FBLN2: variants seen among roughly 807,000 people sequenced by gnomAD.
The protein encoded by FBLN2 is fibulin 2, also known as fibulin-2.
A neutral mutation model predicts 123.7 loss-of-function variants in FBLN2; 81 were observed. The ratio of observed to expected loss-of-function variants is 0.65; its 90% CI spans 0.55 to 0.79. The LOEUF (loss-of-function observed/expected upper bound fraction) is 0.79. Ranked by LOEUF, FBLN2 falls within the 30% of genes least tolerant of loss-of-function variation. FBLN2 has a pLI of 0.00. For synonymous variants in FBLN2, 699 were observed against 701.4 expected (o/e 1.00, Z 0.05); for missense variants, 1,603 against 1,681.3 (o/e 0.95, Z 0.81).
chr3:13,573,429 CCACT>C (rs1424799346), intron 2 of FBLN2, among the ~76,000 whole-genome samples: 2 of 152,150 alleles, frequency 1.3e-5, no homozygotes, highest in African/African-American at 4.8e-5. Flanking sequence ...GTGAGGCTCA[CCACT>C]TCACTCCTCA....
intron 1 of FBLN2, among the ~76,000 whole-genome samples, chr3:13,566,969 G>A (rs1017989601): frequency 1.3e-5 from 2 of 152,272 alleles, no homozygotes; most frequent in Non-Finnish European, 2.9e-5. Context: ...GGCCAGGGCC[G>A]TGCCTGGGGT....
chr3:13,629,839 C>A lies in FBLN2; in HGVS notation c.2862C>A (p.Ala954=), dbSNP rs1358200694. Reference sequence around the variant, plus strand: ...CCACAGACGTGAATGAGTGCTGGGCCTCGCCAGGCCGCCTGTGCCAGCACA... The same window carrying A: ...CCACAGACGTGAATGAGTGCTGGGCATCGCCAGGCCGCCTGTGCCAGCACA... ...RGCIDVNECW[A]SPGRLCQHTC... Residue 954 remains alanine (A), a synonymous_variant, in exon 14 of 18, where the codon GCC becomes GCA. Transcript: ENST00000404922. 6.3e-7 allele frequency: 1 copy of A among 1,579,004 alleles called. No homozygotes were observed. The highest frequency in any genetic ancestry group is 1.2e-5 in the South Asian group (1 of 85,926).
At chr3:13,551,844 CT>C (rs34105173) in intron 1 of FBLN2, among the ~76,000 whole-genome samples, 129 of 133,006 alleles carry the variant, frequency 9.7e-4, no homozygotes, top group Middle Eastern at 3.8e-3. Context: ...CCGGCCCCTC[CT>C]TTTTTTTTTT....
chr3:13,609,688 G>GGGGGGT, intron 4 of FBLN2, 46 bp downstream of exon 4: 1 of 512,604 alleles, frequency 2.0e-6, no homozygotes, highest in Non-Finnish European at 3.6e-6. Flanking sequence ...GTGGGGCGGG[G>GGGGGGT]CGGGAGGCTG....
chr3:13,620,360 T>C (rs1164123576), intron 8 of FBLN2, among the ~76,000 whole-genome samples: 1 of 152,082 alleles, frequency 6.6e-6, no homozygotes, highest in Non-Finnish European at 1.5e-5. Context: ...GGGGAAGCAA[T>C]GCCGGTTGTT....
chr3:13,574,049 G>A (rs1704053365), intron 2 of FBLN2, among the ~76,000 whole-genome samples: 1 of 152,178 alleles, frequency 6.6e-6, no homozygotes, highest in African/African-American at 2.4e-5. Context: ...TAAACTAAGA[G>A]GGCTGTTGTG....
intron 1 of FBLN2, among the ~76,000 whole-genome samples, chr3:13,549,846 C>T (rs952917300): frequency 1.3e-5 from 2 of 152,156 alleles, no homozygotes; most frequent in East Asian, 1.9e-4. Context: ...ACTCATCTCA[C>T]GTCCCCTTAG....
Position 13,570,709 on chromosome 3 carries a change from G to A in FBLN2, c.354G>A (p.Pro118=), listed in dbSNP as rs759176813. Residue 118 remains proline (P), a synonymous_variant, in exon 2 of 18, where the codon CCG becomes CCA. Transcript: ENST00000404922. ...AGTTCATGCTGTGCCCGGAGCTGCC[G>A]CCCAACTGCATCGAGGCTGTAGTGG... The part of the protein sequence containing the change: ...SCQFMLCPEL[P]PNCIEAVVVA... The A allele has an allele frequency of 2.9e-5, 47 of 1,595,570 alleles. No individual in the cohort carries two copies. Among genetic ancestry groups the A allele is most frequent in the African/African-American group, 8.0e-5 (6 of 74,604 alleles).
chr3:13,563,504 C>G (rs1703665005), intron 1 of FBLN2, among the ~76,000 whole-genome samples: 1 of 152,238 alleles, frequency 6.6e-6, no homozygotes, highest in Non-Finnish European at 1.5e-5. Context: ...TCACTGGACT[C>G]CAGCTGAGAT....
intron 2 of FBLN2, among the ~76,000 whole-genome samples, chr3:13,595,926 A>T (rs746111): frequency 1.6e-4 from 24 of 152,300 alleles, no homozygotes; most frequent in African/African-American, 4.6e-4. Context: ...CTTCCCCAAG[A>T]TAGCCACAGT....
chr3:13,617,171 C>CATCCATCCATCCATCCATCT (rs1553621519), intron 5 of FBLN2, among the ~76,000 whole-genome samples: 29 of 151,538 alleles, frequency 1.9e-4, no homozygotes, highest in African/African-American at 6.6e-4. Flanking sequence ...TCCATCCATC[C>CATCCATCCATCCATCCATCT]ATCCATCTAT....
intron 2 of FBLN2, among the ~76,000 whole-genome samples, chr3:13,607,594 A>G (rs967137037): frequency 1.3e-5 from 2 of 152,106 alleles, no homozygotes; most frequent in Non-Finnish European, 2.9e-5. Flanking sequence ...CTGTTTTCGT[A>G]TCTCTTGCCC....
chr3:13,601,822 G>A (rs1705042825), intron 2 of FBLN2, among the ~76,000 whole-genome samples: 1 of 152,196 alleles, frequency 6.6e-6, no homozygotes, highest in Non-Finnish European at 1.5e-5. Context: ...GTTTCTTTGA[G>A]ACAAGGTCTT....
At chr3:13,626,409 A>G in intron 9 of FBLN2, 36 bp from the exon 10 acceptor site, 6 of 1,535,932 alleles carry the variant, frequency 3.9e-6, no homozygotes, top group Non-Finnish European at 5.3e-6. Flanking sequence ...TGTCCTGGGG[A>G]CTCTGCAGCC....
At chr3:13,577,638 C>T (rs1434753424) in intron 2 of FBLN2, among the ~76,000 whole-genome samples, 1 of 152,220 alleles carries the variant, frequency 6.6e-6, no homozygotes, top group Non-Finnish European at 1.5e-5. Flanking sequence ...CAAAAGGGAA[C>T]ACATCCTCTC....
At chr3:13,570,290 C>T in intron 1 of FBLN2, 25 bp from the exon 2 acceptor site, 1 of 1,457,138 alleles carries the variant, frequency 6.9e-7, no homozygotes, top group Non-Finnish European at 9.1e-7. Flanking sequence ...CCAGTACTGA[C>T]AGGCTTCCTT....
intron 11 of FBLN2, 83 bp from the exon 12 acceptor site, chr3:13,628,822 C>G (rs763479536): frequency 2.0e-6 from 3 of 1,519,582 alleles, no homozygotes. Context: ...AGGACCGACC[C>G]CCTCCCAGTG....
chr3:13,560,608 A>C (rs1465848477), intron 1 of FBLN2, among the ~76,000 whole-genome samples: 1 of 152,272 alleles, frequency 6.6e-6, no homozygotes, highest in South Asian at 2.1e-4. Flanking sequence ...ACATCGTGCT[A>C]TTATTAAGAC....
rs181663863 is a variant in FBLN2, at chr3:13,619,940, A to G, written c.2155+109A>G. 21 of 798,198 alleles carry G rather than the reference A, an allele frequency of 2.6e-5. No homozygotes were observed. In the Admixed American group the frequency reaches 4.8e-4, roughly 18 times the overall value. The allele number at this position is 798,198 out of a possible 1,614,324, so 49.4% of individuals were successfully genotyped here. A position where few individuals can be genotyped will look rare whatever the true frequency, so the allele number is the denominator to read the frequency against. ...TAAAACTTGCTGAGTTTGTGCAGGAAGAGTCTTGGCTGCTATGATGAGCAC... is the reference window on the plus strand; with the variant it reads ...TAAAACTTGCTGAGTTTGTGCAGGAGGAGTCTTGGCTGCTATGATGAGCAC... On this transcript the variant is annotated intron_variant, in intron 8 of 17. Coordinates refer to ENST00000404922, the MANE Select transcript of FBLN2 (RefSeq NM_001004019.2).
Sources: gnomAD v4.1 joint callset for allele counts (sites outside exome capture counted in the v4.1 genomes callset) on GRCh38, gnomAD v4.1.1 for gene constraint, MANE v1.5 for transcripts, NCBI Gene and HGNC (gene_info 2026-07-23, HGNC 2026-07-21) for gene names.